AP3B1: variants seen among roughly 807,000 people sequenced by gnomAD.
AP3B1 encodes AP-3 complex subunit beta-1.
AP3B1 carries 61 observed loss-of-function variants against 132.5 expected under a neutral mutation model. The ratio of observed to expected loss-of-function variants is 0.46; its 90% CI spans 0.37 to 0.57. The LOEUF (loss-of-function observed/expected upper bound fraction) is 0.57, where lower values mean the gene tolerates loss of function less well. Ranked by LOEUF, AP3B1 falls within the 20% of genes least tolerant of loss-of-function variation. AP3B1 has a pLI of 0.00. For synonymous variants in AP3B1, 388 were observed against 438.3 expected, an observed-to-expected ratio of 0.89 and a Z score of 1.43; for missense variants, 1,120 against 1,289.4, an observed-to-expected ratio of 0.87 and a Z score of 2.01.
chr5:78,205,613 G>A (rs1050001562), intron 7 of AP3B1, among the ~76,000 whole-genome samples: 8 of 152,030 alleles, frequency 5.3e-5, no homozygotes, highest in Admixed American at 2.0e-4. Flanking sequence ...ACCACTAAAG[G>A]AAATGTTAAA....
intron 1 of AP3B1, among the ~76,000 whole-genome samples, chr5:78,283,741 A>G (rs1317861571): frequency 2.0e-5 from 3 of 152,216 alleles, no homozygotes; most frequent in East Asian, 1.9e-4. Context: ...AACTTACTCT[A>G]TCCATCTGTG....
At chr5:78,278,547 C>T in intron 1 of AP3B1, among the ~76,000 whole-genome samples, 1 of 77,538 alleles carries the variant, frequency 1.3e-5, no homozygotes, top group African/African-American at 3.7e-5. Context: ...TGCAGTGAGC[C>T]GAGATCCCGC....
At chr5:78,239,208 T>G (rs1580529767) in intron 3 of AP3B1, among the ~76,000 whole-genome samples, 1 of 152,110 alleles carries the variant, frequency 6.6e-6, no homozygotes, top group East Asian at 1.9e-4. Context: ...CGATGGCTCA[T>G]GCCTATAATC....
chr5:78,140,083 A>G (rs1381254978), intron 15 of AP3B1, among the ~76,000 whole-genome samples: 1 of 152,212 alleles, frequency 6.6e-6, no homozygotes, highest in Non-Finnish European at 1.5e-5. Flanking sequence ...CCAATTTACT[A>G]AACAGGTAAG....
chr5:78,170,720 G>A (rs1314191768), intron 11 of AP3B1, among the ~76,000 whole-genome samples: 3 of 152,196 alleles, frequency 2.0e-5, no homozygotes, highest in Non-Finnish European at 4.4e-5. Flanking sequence ...TTGCCATGCA[G>A]AAGCTCTTTA....
intron 22 of AP3B1, among the ~76,000 whole-genome samples, chr5:78,058,284 G>A (rs953255700): frequency 5.9e-5 from 9 of 152,078 alleles, no homozygotes; most frequent in Admixed American, 5.2e-4. Flanking sequence ...GGCAGATCGC[G>A]AGGTCAGCAG....
At chr5:78,247,214 T>C (rs1747413994) in intron 2 of AP3B1, among the ~76,000 whole-genome samples, 1 of 150,510 alleles carries the variant, frequency 6.6e-6, no homozygotes, top group African/African-American at 2.4e-5. Context: ...TTTAAGTTTG[T>C]TAAGATTGTG....
In AP3B1 at chr5:78,163,068, G is replaced by A. The variant is rs1743455447; in HGVS notation, c.1231-117C>T. On this transcript the variant is annotated intron_variant, in intron 12 of 26. Coordinates refer to ENST00000255194, the MANE Select transcript of AP3B1 (RefSeq NM_003664.5). ...TCCAGAATACATAAACTTCTCATAA[G>A]CACAATATGAGGACCAAGTGATGAT... 4.2e-6 allele frequency: 4 copies of A among 956,140 alleles called. No homozygotes were observed. The South Asian group carries it at 5.4e-5, about 13-fold the overall frequency. The allele number at this position is 956,140 out of a possible 1,614,324, so 59.2% of individuals were successfully genotyped here. A position where few individuals can be genotyped will look rare whatever the true frequency, so the allele number is the denominator to read the frequency against.
At chr5:78,064,298 T>A (rs753643837) in intron 22 of AP3B1, among the ~76,000 whole-genome samples, 4 of 152,074 alleles carry the variant, frequency 2.6e-5, no homozygotes, top group Non-Finnish European at 5.9e-5. Flanking sequence ...GATCACAATT[T>A]AATTCATTCA....
At chr5:78,219,378 T>C (rs923654223) in intron 6 of AP3B1, among the ~76,000 whole-genome samples, 1 of 152,116 alleles carries the variant, frequency 6.6e-6, no homozygotes, top group African/African-American at 2.4e-5. Context: ...CTTATTAATT[T>C]TAAAAATAAA....
At chr5:78,244,734 C>T (rs1048810674) in intron 2 of AP3B1, among the ~76,000 whole-genome samples, 7 of 151,838 alleles carry the variant, frequency 4.6e-5, no homozygotes, top group African/African-American at 7.3e-5. Flanking sequence ...CGGTGGCTCA[C>T]GCCTGTCATC....
intron 20 of AP3B1, among the ~76,000 whole-genome samples, chr5:78,103,599 T>C (rs972625337): frequency 1.3e-5 from 2 of 152,210 alleles, no homozygotes; most frequent in Non-Finnish European, 2.9e-5. Context: ...TGTATATTTT[T>C]TTAAATAGAG....
At chr5:78,126,046 A>G (rs1034091634) in intron 17 of AP3B1, among the ~76,000 whole-genome samples, 1 of 151,680 alleles carries the variant, frequency 6.6e-6, no homozygotes, top group Non-Finnish European at 1.5e-5. Flanking sequence ...GAAGGTTAAA[A>G]GGATGGTTCT....
At chr5:78,101,841 G>A (rs1158519236) in intron 20 of AP3B1, among the ~76,000 whole-genome samples, 1 of 151,864 alleles carries the variant, frequency 6.6e-6, no homozygotes, top group African/African-American at 2.4e-5. Flanking sequence ...AACAACTAAA[G>A]GCCAACAAAG....
chr5:78,250,026 G>T (rs369192895), intron 2 of AP3B1, among the ~76,000 whole-genome samples: 15 of 152,122 alleles, frequency 9.9e-5, no homozygotes, highest in African/African-American at 3.6e-4. Context: ...TTTCTGCAGG[G>T]GTATGGTTCA....
At chr5:78,063,869 T>A (rs1345901241) in intron 22 of AP3B1, among the ~76,000 whole-genome samples, 1 of 152,168 alleles carries the variant, frequency 6.6e-6, no homozygotes. Context: ...GAGCTTAATT[T>A]TTTTTAAAAA....
intron 15 of AP3B1, among the ~76,000 whole-genome samples, chr5:78,134,146 C>T (rs1179885843): frequency 2.5e-5 from 2 of 80,928 alleles, no homozygotes; most frequent in Non-Finnish European, 5.1e-5. Context: ...GCAAGACTCG[C>T]CTCAAAAAAA....
chr5:78,025,894 T>G (rs1489838340), intron 24 of AP3B1, among the ~76,000 whole-genome samples: 1 of 152,236 alleles, frequency 6.6e-6, no homozygotes, highest in Non-Finnish European at 1.5e-5. Flanking sequence ...TAAGCCAGTT[T>G]CATCTTGTAA....
chr5:78,170,300 T>C (rs1561454814), intron 11 of AP3B1, among the ~76,000 whole-genome samples: 1 of 152,208 alleles, frequency 6.6e-6, no homozygotes. Context: ...TCAAATGATA[T>C]TTTTAGTTCT....
Sources: allele counts gnomAD v4.1 joint callset (sites outside exome capture counted in the v4.1 genomes callset), GRCh38; gene constraint gnomAD v4.1.1; transcripts MANE v1.5; gene names NCBI Gene and HGNC (gene_info 2026-07-23, HGNC 2026-07-21).